Variants in RFX8 observed in about 807,000 individuals in gnomAD.
The protein encoded by RFX8 is regulatory factor X8, also known as DNA-binding protein RFX8.
RFX8 carries 46 observed loss-of-function variants against 54.6 expected under a neutral mutation model. The observed-to-expected ratio is 0.84, with a 90% CI of 0.67 to 1.08. The LOEUF (loss-of-function observed/expected upper bound fraction) is 1.08. Ranked by LOEUF, RFX8 falls within the 50% of genes least tolerant of loss-of-function variation. The pLI is 0.00. For missense variants in RFX8, 536 were observed against 562.3 expected (o/e 0.95, Z 0.47); for synonymous variants, 192 against 209.5 (o/e 0.92, Z 0.72).
At chr2:101,465,636 CA>C (rs1174743315) in intron 2 of RFX8, among the ~76,000 whole-genome samples, 2 of 148,474 alleles carry the variant, frequency 1.3e-5, no homozygotes, top group Non-Finnish European at 1.5e-5. Context: ...AGTATGATAA[CA>C]ACAACATTTT....
intron 4 of RFX8, 118 bp downstream of exon 4, chr2:101,421,606 G>A (rs1358690456): frequency 6.8e-7 from 1 of 1,460,232 alleles, no homozygotes; most frequent in Non-Finnish European, 9.0e-7. Context: ...TCAGTGCAGT[G>A]GGTTACCATT....
intron 2 of RFX8, 92 bp downstream of exon 2, chr2:101,466,685 T>C (rs1239015357): frequency 1.1e-6 from 1 of 919,126 alleles, no homozygotes; most frequent in African/African-American, 1.6e-5. Context: ...GAAAATCCAT[T>C]AGACTCAAAT....
intron 6 of RFX8, among the ~76,000 whole-genome samples, chr2:101,416,694 C>T (rs969944958): frequency 1.3e-5 from 2 of 152,084 alleles, no homozygotes; most frequent in Non-Finnish European, 2.9e-5. Flanking sequence ...ATGGGTATTT[C>T]CAGGATGATC....
At chr2:101,403,666 A>G (rs1277194794) in intron 10 of RFX8, among the ~76,000 whole-genome samples, 5 of 152,172 alleles carry the variant, frequency 3.3e-5, no homozygotes, top group Non-Finnish European at 7.3e-5. Context: ...ACGTGCCTGT[A>G]GTCCCAGCTA....
intron 2 of RFX8, among the ~76,000 whole-genome samples, chr2:101,439,282 C>G (rs567002433): frequency 1.3e-5 from 2 of 152,046 alleles, no homozygotes; most frequent in Admixed American, 1.3e-4. Context: ...ATTCTAGATA[C>G]TAGTCCTTGG....
chr2:101,397,832 G>A (rs1685212716), intron 11 of RFX8, 108 bp from the exon 12 acceptor site: 1 of 848,438 alleles, frequency 1.2e-6, no homozygotes, highest in Non-Finnish European at 1.7e-6. Context: ...CTCCCACCCT[G>A]GGATGTAAAG....
intron 2 of RFX8, among the ~76,000 whole-genome samples, chr2:101,425,195 G>A (rs1687105914): frequency 6.6e-6 from 1 of 152,166 alleles, no homozygotes; most frequent in African/African-American, 2.4e-5. Flanking sequence ...CTGGGCTAAT[G>A]TCTCATAATG....
chr2:101,436,175 A>C (rs1199404797), intron 2 of RFX8, among the ~76,000 whole-genome samples: 1 of 152,188 alleles, frequency 6.6e-6, no homozygotes, highest in Non-Finnish European at 1.5e-5. Context: ...TTAGGGGGCA[A>C]TATAGAAGCA....
intron 7 of RFX8, 115 bp downstream of exon 7, chr2:101,414,739 G>T (rs1686388495): frequency 2.6e-6 from 2 of 758,638 alleles, no homozygotes; most frequent in Non-Finnish European, 2.2e-6. Context: ...CACCCTGCCT[G>T]CCCTCTGCCC....
intron 9 of RFX8, among the ~76,000 whole-genome samples, chr2:101,409,734 A>G (rs1392575588): frequency 6.6e-6 from 1 of 151,940 alleles, no homozygotes; most frequent in African/African-American, 2.4e-5. Context: ...TCCTGACCTC[A>G]TGTGATCCTC....
At chr2:101,454,363 G>C (rs1688854857) in intron 2 of RFX8, among the ~76,000 whole-genome samples, 1 of 152,176 alleles carries the variant, frequency 6.6e-6, no homozygotes. Flanking sequence ...ACATATGTGT[G>C]CATGTGTCTT....
At chr2:101,459,220 G>A (rs552508074) in intron 2 of RFX8, among the ~76,000 whole-genome samples, 2 of 152,244 alleles carry the variant, frequency 1.3e-5, no homozygotes, top group African/African-American at 4.8e-5. Flanking sequence ...CTGTCAAATC[G>A]TCAAAGTCAT....
In RFX8 at chr2:101,412,915, A is replaced by G. The variant is rs1044262268; in HGVS notation, c.718T>C (p.Cys240Arg). 3 of 1,548,076 alleles carry G rather than the reference A, an allele frequency of 1.9e-6. No homozygotes were observed. The highest frequency in any genetic ancestry group is 2.0e-5 in the Admixed American group (1 of 49,896). Residue 240 changes from cysteine (C) to arginine (R), a missense_variant and splice_region_variant, in exon 8 of 12, where the codon TGT becomes CGT. By Grantham distance (180) the Cys-to-Arg change is radical. Transcript: ENST00000428343. Reference sequence around the variant, plus strand: ...AAGCAAGCTGCAGAAGGAAGATTACATTTCATCTCTGGGTTGTTCTCCAGT... The same window carrying G: ...AAGCAAGCTGCAGAAGGAAGATTACGTTTCATCTCTGGGTTGTTCTCCAGT... The part of the protein sequence containing the change: ...DELENNPEMK[C>R]LRNLISLLGT...
intron 2 of RFX8, among the ~76,000 whole-genome samples, chr2:101,440,411 G>A (rs1243209095): frequency 6.6e-6 from 1 of 152,210 alleles, no homozygotes; most frequent in African/African-American, 2.4e-5. Flanking sequence ...CCTTTTAGGA[G>A]TCTATAATGT....
At chr2:101,462,147 TG>T (rs757193554) in intron 2 of RFX8, among the ~76,000 whole-genome samples, 2 of 152,150 alleles carry the variant, frequency 1.3e-5, no homozygotes, top group Non-Finnish European at 2.9e-5. Context: ...ATGGTTAGGC[TG>T]GGCGCGGTGG....
chr2:101,409,992 T>C (rs1271888065), intron 9 of RFX8, among the ~76,000 whole-genome samples: 1 of 152,146 alleles, frequency 6.6e-6, no homozygotes, highest in Non-Finnish European at 1.5e-5. Flanking sequence ...AACCTGCCCA[T>C]ATCGACAACG....
At chr2:101,435,063 C>G (rs890440781) in intron 2 of RFX8, 1 of 152,316 alleles carries the variant, frequency 6.6e-6, no homozygotes, top group Non-Finnish European at 1.5e-5. Flanking sequence ...ACCCGCTCGC[C>G]GCCAGCGCGG....
At chr2:101,470,782 C>T (rs186148977) in intron 1 of RFX8, among the ~76,000 whole-genome samples, 1,512 of 140,870 alleles carry the variant, frequency 0.011, 21 homozygotes, top group African/African-American at 0.037. Flanking sequence ...TGCAGTGGCG[C>T]GATCTCGGCT....
In RFX8 at chr2:101,410,295, CACAT is replaced by C. The variant is rs547923675; in HGVS notation, c.813+320_813+323del. 1.1e-4 allele frequency among the ~76,000 whole-genome samples: 16 copies of C among 152,062 alleles called. No individual in the cohort carries two copies. The South Asian group carries it at 1.5e-3, about 14-fold the overall frequency. ...ACCTGTACACCACGCTCACCACACT[CACAT>C]ACACACATGCTCACACACACCCTGA... On this transcript the variant is annotated intron_variant, in intron 9 of 11. Coordinates refer to ENST00000428343, the MANE Select transcript of RFX8 (RefSeq NM_001145664.2).
Sources: gnomAD v4.1 joint callset for allele counts (sites outside exome capture counted in the v4.1 genomes callset) on GRCh38, gnomAD v4.1.1 for gene constraint, MANE v1.5 for transcripts, NCBI Gene and HGNC (gene_info 2026-07-23, HGNC 2026-07-21) for gene names.